MED27: variants seen among roughly 807,000 people sequenced by gnomAD.
MED27 encodes mediator complex subunit 27, also known as mediator of RNA polymerase II transcription subunit 27.
MED27 carries 30 observed loss-of-function variants against 38.2 expected under a neutral mutation model. The observed-to-expected ratio is 0.79, with a 90% CI of 0.59 to 1.07. The LOEUF (loss-of-function observed/expected upper bound fraction) is 1.07. Ranked by LOEUF, MED27 falls within the 50% of genes least tolerant of loss-of-function variation. The pLI, the probability that MED27 is intolerant of heterozygous loss-of-function variation, is 0.00. For missense variants in MED27, 289 were observed against 397.5 expected (o/e 0.73, Z 2.32); for synonymous variants, 122 against 153.5 (o/e 0.79, Z 1.52).
intron 4 of MED27, among the ~76,000 whole-genome samples, chr9:131,924,912 T>C (rs1564285237): frequency 6.6e-6 from 1 of 152,260 alleles, no homozygotes; most frequent in Non-Finnish European, 1.5e-5. Context: ...CTTGGTCATA[T>C]CATTCTATAG....
intron 5 of MED27, among the ~76,000 whole-genome samples, chr9:131,893,407 T>C (rs10901109): frequency 0.11 from 16,423 of 152,166 alleles, 1,698 homozygotes; most frequent in East Asian, 0.39. Flanking sequence ...TAACACGTCT[T>C]CTTTCAACAG....
chr9:132,069,413 G>C (rs780147194), intron 2 of MED27, among the ~76,000 whole-genome samples: 9 of 152,170 alleles, frequency 5.9e-5, no homozygotes, highest in Non-Finnish European at 1.3e-4. Context: ...CATGGAATTG[G>C]GCCAAAGCCT....
At chr9:131,936,132 CAAAAAAA>C (rs748150201) in intron 4 of MED27, among the ~76,000 whole-genome samples, 3 of 84,306 alleles carry the variant, frequency 3.6e-5, no homozygotes, top group East Asian at 7.4e-4. Context: ...GACCCTGTCT[CAAAAAAA>C]AAAAAAAAAA....
intron 3 of MED27, among the ~76,000 whole-genome samples, chr9:131,960,666 A>G (rs571321828): frequency 6.6e-6 from 1 of 152,350 alleles, no homozygotes; most frequent in Non-Finnish European, 1.5e-5. Context: ...TGTAGTACCA[A>G]CATGAATAAT....
chr9:131,987,249 T>C (rs1216706702), intron 3 of MED27, among the ~76,000 whole-genome samples: 3 of 152,120 alleles, frequency 2.0e-5, no homozygotes, highest in South Asian at 4.1e-4. Flanking sequence ...TTTTAACTTC[T>C]TTTTTGTTTC....
rs1838849034 is a variant in MED27 at position 131,872,235 on chromosome 9, G to A, written c.724-9095C>T. Among the ~76,000 whole-genome samples the A allele has an allele frequency of 6.6e-6, 1 of 152,124 alleles. No individual in the cohort carries two copies. The highest frequency in any genetic ancestry group is 1.5e-5 in the Non-Finnish European group (1 of 68,022). On this transcript the variant is annotated intron_variant, in intron 6 of 7. Coordinates refer to ENST00000292035, the MANE Select transcript of MED27 (RefSeq NM_004269.4). The surrounding 1 kb of genome is among the most constrained non-coding windows in gnomAD (Gnocchi z 5.6). ...GCCACTGCCTGCTTCCCACCACCAG[G>A]GGACAGGACTGTGGCCGAGCAGCGC...
chr9:132,003,943 G>C lies in MED27; in HGVS notation c.479+10394C>G, dbSNP rs1476589501. ...CAAACATACATCTGGCCTGTGGAAA[G>C]TACATAAAGGCTTTCAGAGTGAACA... On this transcript the variant is annotated intron_variant, in intron 3 of 7. Coordinates refer to ENST00000292035, the MANE Select transcript of MED27 (RefSeq NM_004269.4). The surrounding 1 kb of genome is among the most constrained non-coding windows in gnomAD (Gnocchi z 4.2). 6.6e-6 allele frequency among the ~76,000 whole-genome samples: 1 copy of C among 152,048 alleles called. No individual in the cohort carries two copies. Among genetic ancestry groups the C allele is most frequent in the Non-Finnish European group, 1.5e-5 (1 of 68,000 alleles).
intron 1 of MED27, among the ~76,000 whole-genome samples, chr9:132,078,041 ATGATGCT>A: frequency 6.6e-6 from 1 of 152,372 alleles, no homozygotes; most frequent in South Asian, 2.1e-4. Flanking sequence ...AGATTTGTAC[ATGATGCT>A]TCACAGATGG....
chr9:131,905,059 C>G (rs979241691), intron 4 of MED27, among the ~76,000 whole-genome samples: 53 of 152,344 alleles, frequency 3.5e-4, no homozygotes, highest in African/African-American at 1.2e-3. Context: ...CTGGGCTTCC[C>G]TTGCAGTCTT....
intron 3 of MED27, among the ~76,000 whole-genome samples, chr9:131,943,279 G>A (rs1462265404): frequency 3.3e-5 from 5 of 152,272 alleles, no homozygotes; most frequent in Non-Finnish European, 5.9e-5. Context: ...CCCAACCTTC[G>A]AAACACAAAT....
At chr9:131,908,867 GATCA>G (rs1487395236) in intron 4 of MED27, among the ~76,000 whole-genome samples, 32 of 119,444 alleles carry the variant, frequency 2.7e-4, no homozygotes, top group African/African-American at 8.7e-4. Context: ...ACCCAAGAAT[GATCA>G]ATTAAAAAAA....
At chr9:131,907,108 T>C (rs1222954745) in intron 4 of MED27, among the ~76,000 whole-genome samples, 2 of 152,164 alleles carry the variant, frequency 1.3e-5, no homozygotes, top group Non-Finnish European at 2.9e-5. Flanking sequence ...CTGGCTTCTT[T>C]ACCACAACCT....
At chr9:131,888,787 C>T (rs1172895746) in intron 5 of MED27, among the ~76,000 whole-genome samples, 1 of 152,158 alleles carries the variant, frequency 6.6e-6, no homozygotes, top group East Asian at 1.9e-4. Context: ...AAACCATAAA[C>T]TTCTATGTGG....
chr9:131,951,265 CT>C (rs1369083656), intron 3 of MED27, among the ~76,000 whole-genome samples: 1 of 152,232 alleles, frequency 6.6e-6, no homozygotes, highest in Non-Finnish European at 1.5e-5. Flanking sequence ...TCACGGTATC[CT>C]TGCCCTGTCC....
rs758814697 is a variant in MED27, at chr9:132,007,371, T to C, written c.479+6966A>G. 1.2e-3 allele frequency among the ~76,000 whole-genome samples: 183 copies of C among 151,970 alleles called. 2 individuals are homozygous for C. The highest frequency in any genetic ancestry group is 1.4e-3 in the Admixed American group (21 of 15,266). On this transcript the variant is annotated intron_variant, in intron 3 of 7. Transcript: ENST00000292035. Reference sequence around the variant, plus strand: ...ACATCGAAAAAATACTATTCAGCAATAAAATGGAACCAACCGCTGATACAT... The same window carrying C: ...ACATCGAAAAAATACTATTCAGCAACAAAATGGAACCAACCGCTGATACAT...
chr9:131,899,273 CAACT>C (rs1474320650), intron 4 of MED27, among the ~76,000 whole-genome samples: 7 of 152,232 alleles, frequency 4.6e-5, no homozygotes, highest in African/African-American at 1.7e-4. Context: ...CCTGCTGTCA[CAACT>C]GGGGCTACAG....
At chr9:132,015,258 A>G (rs931625827) in intron 2 of MED27, among the ~76,000 whole-genome samples, 61 of 152,258 alleles carry the variant, frequency 4.0e-4, no homozygotes, top group African/African-American at 1.5e-3. Context: ...GGAGAAGCCA[A>G]TTTCAAGTCC....
At chr9:131,875,932 A>T (rs1027105711) in intron 6 of MED27, among the ~76,000 whole-genome samples, 1 of 152,204 alleles carries the variant, frequency 6.6e-6, no homozygotes, top group Non-Finnish European at 1.5e-5. Flanking sequence ...ACAGATGAGG[A>T]AACTGAGGCA....
intron 4 of MED27, among the ~76,000 whole-genome samples, chr9:131,910,736 G>C (rs1047060512): frequency 5.9e-5 from 9 of 152,222 alleles, no homozygotes; most frequent in African/African-American, 1.7e-4. Context: ...CACCTCCACA[G>C]ATTACACTGC....
Sources: gnomAD v4.1 joint callset for allele counts (sites outside exome capture counted in the v4.1 genomes callset) on GRCh38, gnomAD v4.1.1 for gene constraint, Gnocchi (gnomAD v3.1) non-coding constraint, MANE v1.5 for transcripts, NCBI Gene and HGNC (gene_info 2026-07-23, HGNC 2026-07-21) for gene names.